Variants in MEI4 observed in about 807,000 individuals in gnomAD.
MEI4 encodes meiosis-specific protein MEI4.
A neutral mutation model predicts 31.4 loss-of-function variants in MEI4; 27 were observed. The observed-to-expected ratio is 0.86, with a 90% CI of 0.63 to 1.19. The LOEUF is 1.19. Ranked by LOEUF, MEI4 falls within the 50% of genes most tolerant of loss-of-function variation. The pLI is 0.00. For synonymous variants in MEI4, 122 were observed against 145.4 expected, an observed-to-expected ratio of 0.84 and a Z score of 1.16; for missense variants, 329 against 398.9, an observed-to-expected ratio of 0.82 and a Z score of 1.49.
At chr6:77,835,422 A>T (rs1264170027) in intron 4 of MEI4, among the ~76,000 whole-genome samples, 1 of 149,488 alleles carries the variant, frequency 6.7e-6, no homozygotes, top group East Asian at 1.9e-4. Flanking sequence ...AAAAAAAAAG[A>T]AGAGAAAAAA....
chr6:77,792,948 G>A (rs544099451), intron 3 of MEI4, among the ~76,000 whole-genome samples: 180 of 152,120 alleles, frequency 1.2e-3, no homozygotes, highest in Non-Finnish European at 1.2e-3. Context: ...TCCTGACCTC[G>A]TGATCCGCCT....
chr6:77,687,277 G>C (rs112454093), intron 1 of MEI4, among the ~76,000 whole-genome samples: 1 of 152,060 alleles, frequency 6.6e-6, no homozygotes, highest in African/African-American at 2.4e-5. Context: ...ACATACCTTC[G>C]TGGGAGATAT....
chr6:77,697,895 G>T (rs1189435344), intron 2 of MEI4, among the ~76,000 whole-genome samples: 2 of 152,120 alleles, frequency 1.3e-5, no homozygotes, highest in Non-Finnish European at 2.9e-5. Flanking sequence ...TATTGTGTGG[G>T]AGACTAAGTC....
intron 2 of MEI4, among the ~76,000 whole-genome samples, chr6:77,756,918 G>C (rs763177599): frequency 6.6e-5 from 10 of 152,198 alleles, no homozygotes; most frequent in Non-Finnish European, 1.3e-4. Flanking sequence ...AGGATGACAA[G>C]AGACAGGGCC....
intron 1 of MEI4, among the ~76,000 whole-genome samples, chr6:77,689,553 G>A (rs1011672507): frequency 2.0e-5 from 3 of 151,964 alleles, no homozygotes; most frequent in Non-Finnish European, 4.4e-5. Context: ...GTTGGTATAT[G>A]AGTTGTTCTT....
At chr6:77,821,995 T>A (rs1430297426) in intron 3 of MEI4, among the ~76,000 whole-genome samples, 2 of 152,162 alleles carry the variant, frequency 1.3e-5, no homozygotes, top group Non-Finnish European at 2.9e-5. Context: ...GTGCTGGTGA[T>A]GCTTTTTGCC....
intron 3 of MEI4, among the ~76,000 whole-genome samples, chr6:77,787,936 T>C (rs752272502): frequency 1.3e-5 from 2 of 152,192 alleles, no homozygotes; most frequent in Non-Finnish European, 2.9e-5. Flanking sequence ...TGCATCGATG[T>C]TCATCAGGGA....
chr6:77,796,113 AGAAT>A (rs1450856882), intron 3 of MEI4, among the ~76,000 whole-genome samples: 1 of 152,224 alleles, frequency 6.6e-6, no homozygotes, highest in Non-Finnish European at 1.5e-5. Flanking sequence ...CCACATTAAC[AGAAT>A]GAAGGATTAA....
chr6:77,749,958 C>T (rs1767725321), intron 2 of MEI4, among the ~76,000 whole-genome samples: 1 of 152,080 alleles, frequency 6.6e-6, no homozygotes, highest in Admixed American at 6.5e-5. Context: ...GAGTGGGGGC[C>T]AATATTCAAC....
chr6:77,745,925 G>T (rs1231158343), intron 2 of MEI4, among the ~76,000 whole-genome samples: 2 of 151,994 alleles, frequency 1.3e-5, no homozygotes, highest in Non-Finnish European at 2.9e-5. Context: ...AAACCAACGA[G>T]AACAAAGACA....
At chr6:77,743,135 T>G (rs949148283) in intron 2 of MEI4, among the ~76,000 whole-genome samples, 1 of 152,206 alleles carries the variant, frequency 6.6e-6, no homozygotes. Flanking sequence ...AACTTGAAAG[T>G]AGTTTTTTCC....
intron 4 of MEI4, among the ~76,000 whole-genome samples, chr6:77,874,810 C>A (rs2127726602): frequency 6.6e-6 from 1 of 152,242 alleles, no homozygotes; most frequent in African/African-American, 2.4e-5. Flanking sequence ...GAGTTTTTAG[C>A]ATGAAGAGTT....
At chr6:77,747,530 C>G (rs1767647543) in intron 2 of MEI4, among the ~76,000 whole-genome samples, 1 of 152,046 alleles carries the variant, frequency 6.6e-6, no homozygotes, top group African/African-American at 2.4e-5. Context: ...CTCATGAGAA[C>G]CCACTTAGTG....
intron 3 of MEI4, among the ~76,000 whole-genome samples, chr6:77,762,394 T>A (rs899793843): frequency 3.3e-5 from 5 of 152,174 alleles, no homozygotes; most frequent in Admixed American, 3.3e-4. Flanking sequence ...GAATTTCTTT[T>A]TCATATTATT....
intron 2 of MEI4, among the ~76,000 whole-genome samples, chr6:77,743,195 T>C (rs1301785714): frequency 1.3e-5 from 2 of 152,234 alleles, no homozygotes; most frequent in Non-Finnish European, 2.9e-5. Flanking sequence ...GCATTGAATC[T>C]ATAAATTACC....
intron 4 of MEI4, among the ~76,000 whole-genome samples, chr6:77,862,300 G>A (rs567139337): frequency 2.8e-4 from 43 of 152,346 alleles, no homozygotes; most frequent in African/African-American, 1.0e-3. Flanking sequence ...GGAAGTGCAA[G>A]GGGTCAGGGA....
intron 3 of MEI4, among the ~76,000 whole-genome samples, chr6:77,810,045 G>T (rs1769538784): frequency 6.6e-6 from 1 of 152,148 alleles, no homozygotes; most frequent in Non-Finnish European, 1.5e-5. Flanking sequence ...GACCTATGTT[G>T]TTGGGCATAC....
At chr6:77,833,448 A>G (rs1770131662) in intron 4 of MEI4, among the ~76,000 whole-genome samples, 1 of 152,126 alleles carries the variant, frequency 6.6e-6, no homozygotes, top group African/African-American at 2.4e-5. Flanking sequence ...TGTGATTTTC[A>G]CAGGATCAGC....
chr6:77,752,279 C>T (rs112100240), intron 2 of MEI4, among the ~76,000 whole-genome samples: 166 of 152,186 alleles, frequency 1.1e-3, no homozygotes, highest in African/African-American at 2.6e-3. Context: ...GGCAATCAGG[C>T]AGGAGAAAGA....
Sources: gnomAD v4.1 joint callset for allele counts (sites outside exome capture counted in the v4.1 genomes callset) on GRCh38, gnomAD v4.1.1 for gene constraint, MANE v1.5 for transcripts, NCBI Gene and HGNC (gene_info 2026-07-23, HGNC 2026-07-21) for gene names.